The following ELF2 variants were observed in gnomAD, a reference collection of about 807,000 sequenced individuals.
The protein encoded by ELF2 is ETS-related transcription factor Elf-2.
Under a neutral mutation model 54.8 loss-of-function variants are expected in ELF2, and 11 were observed. That is an observed-to-expected ratio of 0.20 (90% CI 0.13 to 0.33). The LOEUF (loss-of-function observed/expected upper bound fraction) is 0.33, where lower values mean the gene tolerates loss of function less well. Among genes scored for constraint, ELF2 ranks in the 10% least tolerant of loss-of-function variants. ELF2 has a pLI of 1.00. For synonymous variants in ELF2, 203 were observed against 245.1 expected, an observed-to-expected ratio of 0.83 and a Z score of 1.61; for missense variants, 513 against 703.0, an observed-to-expected ratio of 0.73 and a Z score of 3.06.
chr4:139,129,047 T>G (rs1306644544), intron 3 of ELF2, among the ~76,000 whole-genome samples: 2 of 151,996 alleles, frequency 1.3e-5, no homozygotes, highest in African/African-American at 4.8e-5. Flanking sequence ...CAAGTGATTC[T>G]CCTGCCTCAG....
At position 139,071,784 on chromosome 4, in the gene ELF2, T is replaced by C. The variant is rs1729544486; in HGVS notation, c.526+82A>G. 15 of 1,281,108 alleles carry C rather than the reference T, an allele frequency of 1.2e-5. No homozygotes were observed. The South Asian group carries it at 2.1e-4, about 18-fold the overall frequency. The allele number at this position is 1,281,108 out of a possible 1,614,324, so 79.4% of individuals were successfully genotyped here. ...TCAATCTTAAATCTACAGCATATAC[T>C]ACTTTCTATGTCCCTTGATGAGGAA... On this transcript the variant is annotated intron_variant, in intron 6 of 9. Transcript: ENST00000686138.
chr4:139,071,867 T>G lies in ELF2; in HGVS notation c.525A>C (p.Lys175Asn). ...PDSHEPMKKK[K>N]VGRKPKTQQS... ...CAGAAATGTATAAATATACTCTACC[T>G]TTTTTCTTTTTCATTGGTTCATGGC... is the stretch of plus-strand genomic sequence containing the variant. The change falls in exon 6 of 10, where the codon AAA (lysine) becomes AAC (asparagine). Residue 175 changes from lysine to asparagine, a missense_variant and splice_region_variant. This residue lies in a region of ELF2 where 203 missense variants were observed against 245.9 expected (regional missense o/e 0.83). Coordinates refer to ENST00000686138, the MANE Select transcript of ELF2 (RefSeq NM_001331036.3). The G allele has an allele frequency of 1.3e-6, 2 of 1,582,128 alleles. No homozygotes were observed. Among genetic ancestry groups the G allele is most frequent in the South Asian group, 1.2e-5 (1 of 85,194 alleles).
At chr4:139,059,687 A>T (rs1186933186) in intron 9 of ELF2, 80 bp from the exon 10 acceptor site, 10 of 1,500,826 alleles carry the variant, frequency 6.7e-6, no homozygotes, top group Non-Finnish European at 8.9e-6. Context: ...AGATTAATAC[A>T]AATCCAAAAT....
intron 7 of ELF2, among the ~76,000 whole-genome samples, chr4:139,064,554 G>A (rs1424228571): frequency 1.3e-5 from 2 of 152,134 alleles, no homozygotes; most frequent in Non-Finnish European, 2.9e-5. Context: ...ATAACACAGA[G>A]TTCAACCCAT....
At chr4:139,142,065 T>C (rs1041583642) in intron 1 of ELF2, among the ~76,000 whole-genome samples, 1 of 152,206 alleles carries the variant, frequency 6.6e-6, no homozygotes, top group African/African-American at 2.4e-5. Flanking sequence ...GCAAAGTCCC[T>C]GTTTTTATGG....
intron 4 of ELF2, among the ~76,000 whole-genome samples, chr4:139,113,387 G>A (rs531243170): frequency 1.0e-3 from 156 of 151,214 alleles, no homozygotes; most frequent in African/African-American, 2.7e-3. Context: ...TGAGTGCAGT[G>A]GCTCACGCCT....
chr4:139,177,898 C>T (rs1271609746), upstream of ELF2, among the ~76,000 whole-genome samples: 1 of 152,138 alleles, frequency 6.6e-6, no homozygotes, highest in African/African-American at 2.4e-5. Flanking sequence ...ACTCCTCAGC[C>T]TTGGCTTAGT....
chr4:139,130,277 T>C (rs541752330), intron 3 of ELF2, among the ~76,000 whole-genome samples: 2 of 152,304 alleles, frequency 1.3e-5, no homozygotes, highest in East Asian at 3.9e-4. Context: ...TCCTAAATTC[T>C]GACCTCCAGA....
At chr4:139,084,484 A>T in intron 4 of ELF2, 1 of 994,342 alleles carries the variant, frequency 1.0e-6, no homozygotes, top group Non-Finnish European at 1.2e-6. Context: ...CGGCCGCCGC[A>T]GCTGGCAACG....
chr4:139,128,649 G>A (rs1169537464), intron 3 of ELF2, among the ~76,000 whole-genome samples: 2 of 151,630 alleles, frequency 1.3e-5, no homozygotes, highest in Non-Finnish European at 2.9e-5. Context: ...AGCCTCCTGA[G>A]TAGCTGGGAC....
chr4:139,068,193 TG>T (rs971183403), intron 6 of ELF2, among the ~76,000 whole-genome samples: 24 of 152,294 alleles, frequency 1.6e-4, no homozygotes, highest in African/African-American at 5.8e-4. Context: ...GTCAATTTTT[TG>T]TATTTTTAGT....
intron 7 of ELF2, among the ~76,000 whole-genome samples, chr4:139,062,503 T>C (rs189462135): frequency 4.6e-4 from 70 of 152,364 alleles, no homozygotes; most frequent in African/African-American, 1.6e-3. Context: ...GTATCCCCTA[T>C]GTATGCTTAC....
intron 4 of ELF2, among the ~76,000 whole-genome samples, chr4:139,084,728 C>T (rs924830368): frequency 2.0e-5 from 3 of 152,220 alleles, no homozygotes; most frequent in African/African-American, 7.2e-5. Flanking sequence ...CAATCTAATA[C>T]CTAGTCCTGC....
chr4:139,154,848 C>A (rs1009303790), intron 1 of ELF2, among the ~76,000 whole-genome samples: 1 of 152,180 alleles, frequency 6.6e-6, no homozygotes, highest in Non-Finnish European at 1.5e-5. Context: ...TCCCCTCTCA[C>A]AGGTATATTG....
chr4:139,140,889 A>G (rs1738636719), intron 1 of ELF2, among the ~76,000 whole-genome samples: 1 of 152,106 alleles, frequency 6.6e-6, no homozygotes, highest in African/African-American at 2.4e-5. Context: ...TCCACTTTCT[A>G]ATTTCTCAAG....
intron 1 of ELF2, among the ~76,000 whole-genome samples, chr4:139,159,929 G>A (rs949756852): frequency 1.3e-5 from 2 of 152,226 alleles, no homozygotes; most frequent in South Asian, 2.1e-4. Context: ...ATATTGACGC[G>A]TGTAGTCCCT....
At chr4:139,168,977 G>A (rs368746273) in intron 1 of ELF2, among the ~76,000 whole-genome samples, 8 of 152,166 alleles carry the variant, frequency 5.3e-5, no homozygotes, top group African/African-American at 1.7e-4. Flanking sequence ...GCCATGAAAG[G>A]AGGGTTCTCA....
At chr4:139,067,252 C>T (rs1281437657) in intron 7 of ELF2, 1 of 156,794 alleles carries the variant, frequency 6.4e-6, no homozygotes, top group African/African-American at 2.4e-5. Context: ...GATCACACCA[C>T]CACACACCAG....
intron 4 of ELF2, among the ~76,000 whole-genome samples, chr4:139,087,745 G>T (rs750857925): frequency 6.6e-6 from 1 of 152,172 alleles, no homozygotes; most frequent in African/African-American, 2.4e-5. Flanking sequence ...AATTACAGGC[G>T]TGAGTCACCA....
Sources: gnomAD v4.1 joint callset for allele counts (sites outside exome capture counted in the v4.1 genomes callset) on GRCh38, gnomAD v4.1.1 for gene constraint, gnomAD v4.1.1 regional missense constraint, MANE v1.5 for transcripts, NCBI Gene and HGNC (gene_info 2026-07-23, HGNC 2026-07-21) for gene names.